Variants in CTTNBP2NL observed in about 807,000 individuals in gnomAD.
The protein encoded by CTTNBP2NL is CTTNBP2 N-terminal-like protein.
CTTNBP2NL carries 16 observed loss-of-function variants against 32.5 expected under a neutral mutation model. The ratio of observed to expected loss-of-function variants is 0.49; its 90% CI spans 0.33 to 0.75. CTTNBP2NL has a LOEUF of 0.75. CTTNBP2NL is among the 30% of genes least tolerant of loss of function. The probability of loss-of-function intolerance (pLI) is 0.02; values close to 1 mark genes in which losing one functional copy is unlikely to be tolerated. For missense variants in CTTNBP2NL, 645 were observed against 756.0 expected (o/e 0.85, Z 1.72); for synonymous variants, 298 against 289.4 (o/e 1.03, Z -0.30).
upstream of CTTNBP2NL, among the ~76,000 whole-genome samples, chr1:112,395,729 AAAG>A (rs2100985377): frequency 9.3e-6 from 1 of 106,954 alleles, no homozygotes; most frequent in East Asian, 2.4e-4. Context: ...CTTCCAGAAA[AAAG>A]AAAAAAAAAA....
At chr1:112,408,424 C>T (rs1288200876) in intron 1 of CTTNBP2NL, among the ~76,000 whole-genome samples, 1 of 151,730 alleles carries the variant, frequency 6.6e-6, no homozygotes, top group Non-Finnish European at 1.5e-5. Flanking sequence ...TGAAAGGGAC[C>T]ATTTAGAATG....
At position 112,459,750 on chromosome 1, in the gene CTTNBP2NL, T is replaced by G. The variant is rs1650491751; in HGVS notation, c.*2338T>G. The stretch of plus-strand genomic sequence containing the variant: ...GCTACAGTGCCAGAGAGTTATTGTC[T>G]CTTTTGCTTTAAATGGTAATCTTAA... On this transcript the variant is annotated 3_prime_UTR_variant, in exon 6 of 6. Transcript: ENST00000271277. 6.6e-6 allele frequency: 1 copy of G among 152,212 alleles called. No homozygotes were observed. The highest frequency in any genetic ancestry group is 1.5e-5 in the Non-Finnish European group (1 of 68,036). 9.4% of individuals were successfully genotyped at this position (152,212 alleles called of 1,614,324 possible). A position where few individuals can be genotyped will look rare whatever the true frequency, so the allele number is the denominator to read the frequency against.
chr1:112,407,887 C>T (rs1296456486), intron 1 of CTTNBP2NL, among the ~76,000 whole-genome samples: 2 of 126,340 alleles, frequency 1.6e-5, no homozygotes, highest in African/African-American at 6.0e-5. Flanking sequence ...CTGTATTGCC[C>T]GGGCTGGAGT....
chr1:112,432,767 A>C (rs889734480), intron 3 of CTTNBP2NL, among the ~76,000 whole-genome samples: 2 of 151,876 alleles, frequency 1.3e-5, no homozygotes. Flanking sequence ...AAAAAAAAAA[A>C]AACCTTCTCA....
chr1:112,406,999 A>C (rs1648685100), intron 1 of CTTNBP2NL, among the ~76,000 whole-genome samples: 1 of 152,246 alleles, frequency 6.6e-6, no homozygotes, highest in African/African-American at 2.4e-5. Flanking sequence ...TTGTAAGTGC[A>C]CTATTCATAT....
At chr1:112,446,769 T>A (rs1650054874) in intron 3 of CTTNBP2NL, among the ~76,000 whole-genome samples, 1 of 152,126 alleles carries the variant, frequency 6.6e-6, no homozygotes, top group African/African-American at 2.4e-5. Context: ...AGTTTGGTCT[T>A]AAACTCCTGG....
At chr1:112,445,065 A>G (rs1321954849) in intron 3 of CTTNBP2NL, among the ~76,000 whole-genome samples, 1 of 152,172 alleles carries the variant, frequency 6.6e-6, no homozygotes, top group Non-Finnish European at 1.5e-5. Flanking sequence ...GCTGTGTGGG[A>G]AGCTGGCACT....
At chr1:112,454,157 C>G (rs1650301726) in intron 4 of CTTNBP2NL, among the ~76,000 whole-genome samples, 1 of 152,180 alleles carries the variant, frequency 6.6e-6, no homozygotes, top group South Asian at 2.1e-4. Context: ...TCTGTTAATT[C>G]TCGACACCTC....
chr1:112,434,612 TA>T (rs1649673788), intron 3 of CTTNBP2NL, among the ~76,000 whole-genome samples: 1 of 152,228 alleles, frequency 6.6e-6, no homozygotes, highest in African/African-American at 2.4e-5. Context: ...TTTTTCTCTT[TA>T]AAAACTTCTT....
intron 1 of CTTNBP2NL, among the ~76,000 whole-genome samples, chr1:112,400,892 G>C (rs982034887): frequency 6.6e-6 from 1 of 151,234 alleles, no homozygotes; most frequent in African/African-American, 2.4e-5. Context: ...CTTGAACCCA[G>C]GAGGTGGAGG....
At chr1:112,445,385 G>T (rs1650008470) in intron 3 of CTTNBP2NL, among the ~76,000 whole-genome samples, 1 of 151,318 alleles carries the variant, frequency 6.6e-6, no homozygotes, top group African/African-American at 2.5e-5. Flanking sequence ...TATCTGTTTT[G>T]GGGTTTTTTT....
rs1650465804 is a variant in CTTNBP2NL at position 112,459,028 on chromosome 1, C to G, written c.*1616C>G. 1 of 152,198 alleles carries G rather than the reference C, an allele frequency of 6.6e-6. No homozygotes were observed. Among genetic ancestry groups the G allele is most frequent in the Non-Finnish European group, 1.5e-5 (1 of 68,038 alleles). 9.4% of individuals were successfully genotyped at this position (152,198 alleles called of 1,614,324 possible). ...GAATGCTAAACCAGGATTACCAGTT[C>G]TTCACATTTTTTGAAATCCAAATTT... On this transcript the variant is annotated 3_prime_UTR_variant, in exon 6 of 6. Transcript: ENST00000271277.
At chr1:112,427,659 G>A (rs1267357841) in intron 3 of CTTNBP2NL, among the ~76,000 whole-genome samples, 1 of 152,136 alleles carries the variant, frequency 6.6e-6, no homozygotes, top group Non-Finnish European at 1.5e-5. Flanking sequence ...ACTTTGGGAG[G>A]CCGAGGCAAG....
At chr1:112,430,444 C>T (rs1055823667) in intron 3 of CTTNBP2NL, among the ~76,000 whole-genome samples, 2 of 151,766 alleles carry the variant, frequency 1.3e-5, no homozygotes, top group African/African-American at 4.8e-5. Context: ...CGCCATTTTG[C>T]CCAGGCTGGT....
Position 112,457,581 on chromosome 1 carries a change from G to A in CTTNBP2NL, c.*169G>A, listed in dbSNP as rs925715543. 3 of 627,982 alleles carry A rather than the reference G, an allele frequency of 4.8e-6. No individual in the cohort carries two copies. The African/African-American group carries it at 5.5e-5, about 12-fold the overall frequency. The allele number at this position is 627,982 out of a possible 1,614,324, so 38.9% of individuals were successfully genotyped here. A position where few individuals can be genotyped will look rare whatever the true frequency, so the allele number is the denominator to read the frequency against. On this transcript the variant is annotated 3_prime_UTR_variant, in exon 6 of 6. Coordinates refer to ENST00000271277, the MANE Select transcript of CTTNBP2NL (RefSeq NM_018704.3). ...TATTTTTTTAAGTAGAAACTGAGTA[G>A]TTTGGATTTTTATGGCTCACATCTT...
intron 3 of CTTNBP2NL, among the ~76,000 whole-genome samples, chr1:112,444,934 G>C (rs1387069063): frequency 6.6e-6 from 1 of 152,102 alleles, no homozygotes; most frequent in Non-Finnish European, 1.5e-5. Context: ...TACCAGAGTT[G>C]GTCTGTGTGA....
intron 4 of CTTNBP2NL, among the ~76,000 whole-genome samples, chr1:112,452,022 T>A (rs1321418520): frequency 6.6e-6 from 1 of 152,164 alleles, no homozygotes; most frequent in African/African-American, 2.4e-5. Context: ...TGTGGGGTTT[T>A]AGTCTTTTTA....
intron 1 of CTTNBP2NL, among the ~76,000 whole-genome samples, chr1:112,403,140 T>C (rs1022808160): frequency 2.6e-5 from 4 of 152,334 alleles, no homozygotes; most frequent in South Asian, 2.1e-4. Flanking sequence ...TCCATTCTTA[T>C]TGCTACCATC....
At chr1:112,408,220 A>ATTTTTTTTTTTTTTTTTTTT (rs397981257) in intron 1 of CTTNBP2NL, among the ~76,000 whole-genome samples, 6 of 103,760 alleles carry the variant, frequency 5.8e-5, no homozygotes, top group East Asian at 2.6e-4. Flanking sequence ...TTTTTTTTTA[A>ATTTTTTTTTTTTTTTTTTTT]TTTTTTTTTT....
Sources: allele counts gnomAD v4.1 joint callset (sites outside exome capture counted in the v4.1 genomes callset), GRCh38; gene constraint gnomAD v4.1.1; transcripts MANE v1.5; gene names NCBI Gene and HGNC (gene_info 2026-07-23, HGNC 2026-07-21).